SH3KBP1: variants seen among roughly 807,000 people sequenced by gnomAD.
SH3KBP1 encodes the protein SH3 domain-containing kinase-binding protein 1.
SH3KBP1 carries 8 observed loss-of-function variants against 50.1 expected under a neutral mutation model. The observed-to-expected ratio is 0.16, with a 90% CI of 0.09 to 0.29. SH3KBP1 has a LOEUF of 0.29. Ranked by LOEUF, SH3KBP1 falls within the 10% of genes least tolerant of loss-of-function variation. The pLI is 1.00. For synonymous variants in SH3KBP1, 227 were observed against 218.6 expected (o/e 1.04, Z -0.34); for missense variants, 377 against 535.2 (o/e 0.70, Z 2.92).
intron 1 of SH3KBP1, among the ~76,000 whole-genome samples, chrX:19,882,355 A>G (rs1039304141): frequency 9.0e-6 from 1 of 111,336 alleles, no homozygotes; most frequent in Non-Finnish European, 1.9e-5. Context: ...CCTGGAGATG[A>G]GGAGATGAGC....
At chrX:19,837,993 A>G (rs947356091) in intron 1 of SH3KBP1, among the ~76,000 whole-genome samples, 7 of 110,876 alleles carry the variant, frequency 6.3e-5, no homozygotes, top group African/African-American at 2.3e-4. Flanking sequence ...TGGATAGGAG[A>G]AAATCTTAAT....
At chrX:19,727,028 A>C (rs906513651) in intron 3 of SH3KBP1, among the ~76,000 whole-genome samples, 2 of 112,487 alleles carry the variant, frequency 1.8e-5, no homozygotes, top group Admixed American at 9.4e-5. Context: ...CACACAATGC[A>C]ACTGAGACAA....
At chrX:19,658,808 C>T (rs1485965806) in intron 6 of SH3KBP1, among the ~76,000 whole-genome samples, 4 of 111,271 alleles carry the variant, frequency 3.6e-5, no homozygotes, top group Non-Finnish European at 5.7e-5. Context: ...CCACCTGCCT[C>T]GGCCTCCTAA....
chrX:19,598,241 A>T (rs998590535), intron 9 of SH3KBP1, among the ~76,000 whole-genome samples: 140 of 105,674 alleles, frequency 1.3e-3, no homozygotes, highest in Admixed American at 1.2e-3. Flanking sequence ...TTATTTATTT[A>T]TTTATTTATT....
intron 2 of SH3KBP1, among the ~76,000 whole-genome samples, chrX:19,812,074 C>G (rs1004019385): frequency 1.4e-4 from 16 of 111,608 alleles, no homozygotes; most frequent in Non-Finnish European, 2.6e-4. Flanking sequence ...AACTTCTCAG[C>G]TTACAAACTC....
chrX:19,761,311 C>T (rs1394958865), intron 2 of SH3KBP1, among the ~76,000 whole-genome samples: 1 of 66,888 alleles, frequency 1.5e-5, no homozygotes, highest in African/African-American at 6.3e-5. Context: ...GAGGGAGGGA[C>T]GAAGAGGAAG....
chrX:19,571,539 T>C (rs948958307), intron 12 of SH3KBP1, among the ~76,000 whole-genome samples: 3 of 112,255 alleles, frequency 2.7e-5, no homozygotes, highest in African/African-American at 9.7e-5. Context: ...AATGAAATGT[T>C]TCAGAAATGC....
At chrX:19,770,151 C>A (rs747777973) in intron 2 of SH3KBP1, among the ~76,000 whole-genome samples, 1 of 111,730 alleles carries the variant, frequency 9.0e-6, no homozygotes, top group African/African-American at 3.3e-5. Context: ...CATCCAGGTA[C>A]CAAGCCTAGT....
intron 2 of SH3KBP1, among the ~76,000 whole-genome samples, chrX:19,815,081 G>C (rs1210857932): frequency 2.7e-5 from 3 of 112,042 alleles, no homozygotes; most frequent in Non-Finnish European, 3.8e-5. Context: ...CAAAGAGCTG[G>C]AGAACTGCAG....
chrX:19,539,329 A>G (rs755149282), intron 16 of SH3KBP1, among the ~76,000 whole-genome samples: 42 of 112,450 alleles, frequency 3.7e-4, no homozygotes, highest in Non-Finnish European at 6.9e-4. Context: ...GATGGTCCCT[A>G]TTCTCTGGGG....
chrX:19,740,290 A>C (rs1204626405), intron 3 of SH3KBP1, among the ~76,000 whole-genome samples: 1 of 112,171 alleles, frequency 8.9e-6, no homozygotes, highest in African/African-American at 3.2e-5. Flanking sequence ...TCTTGACTCC[A>C]GAGCTTTTGA....
At chrX:19,558,743 C>A (rs902272894) in intron 13 of SH3KBP1, among the ~76,000 whole-genome samples, 6 of 111,640 alleles carry the variant, frequency 5.4e-5, no homozygotes, top group African/African-American at 2.0e-4. Context: ...AATTATTTTT[C>A]TTTTGGATTG....
At chrX:19,672,726 C>G (rs1416845726) in intron 6 of SH3KBP1, among the ~76,000 whole-genome samples, 1 of 111,458 alleles carries the variant, frequency 9.0e-6, no homozygotes, top group African/African-American at 3.3e-5. Context: ...TGGATAAAAA[C>G]TGAGGACATC....
intron 2 of SH3KBP1, among the ~76,000 whole-genome samples, chrX:19,834,613 A>G (rs987735885): frequency 8.9e-6 from 1 of 112,562 alleles, no homozygotes; most frequent in Non-Finnish European, 1.9e-5. Flanking sequence ...TTACATTTTT[A>G]TAATTAACCT....
chrX:19,564,768 A>T (rs1343936685), intron 13 of SH3KBP1, among the ~76,000 whole-genome samples: 1 of 111,796 alleles, frequency 8.9e-6, no homozygotes, highest in Non-Finnish European at 1.9e-5. Flanking sequence ...TCCTGTTCCT[A>T]ACACAGACTG....
intron 5 of SH3KBP1, 22 bp from the exon 6 acceptor site, chrX:19,684,050 A>G: frequency 8.6e-7 from 1 of 1,162,348 alleles, no homozygotes; most frequent in East Asian, 3.0e-5. Flanking sequence ...GGGGATGGGG[A>G]GAGAAAGAGC....
chrX:19,555,177 TG>T (rs1399263274), intron 13 of SH3KBP1, among the ~76,000 whole-genome samples: 8 of 112,702 alleles, frequency 7.1e-5, no homozygotes, highest in Non-Finnish European at 1.3e-4. Flanking sequence ...TGGCAAATGC[TG>T]GGGTATTTTT....
intron 3 of SH3KBP1, among the ~76,000 whole-genome samples, chrX:19,722,498 C>T (rs998725245): frequency 9.0e-6 from 1 of 110,953 alleles, no homozygotes. Flanking sequence ...GCTTCATACA[C>T]ACCCCTTGCT....
intron 4 of SH3KBP1, among the ~76,000 whole-genome samples, chrX:19,702,314 T>C (rs751350177): frequency 3.6e-5 from 4 of 111,610 alleles, no homozygotes; most frequent in Non-Finnish European, 7.5e-5. Context: ...GTCTGACTGA[T>C]TTAAAGTTTT....
Sources: gnomAD v4.1 joint callset for allele counts (sites outside exome capture counted in the v4.1 genomes callset) on GRCh38, gnomAD v4.1.1 for gene constraint, MANE v1.5 for transcripts, NCBI Gene and HGNC (gene_info 2026-07-23, HGNC 2026-07-21) for gene names.